CDYL: variants seen among roughly 807,000 people sequenced by gnomAD.
The protein encoded by CDYL is chromodomain Y-like protein.
CDYL carries 8 observed loss-of-function variants against 47.3 expected under a neutral mutation model. The ratio of observed to expected loss-of-function variants is 0.17; its 90% CI spans 0.10 to 0.31. The LOEUF is 0.31. Ranked by LOEUF, CDYL falls within the 10% of genes least tolerant of loss-of-function variation. The probability of loss-of-function intolerance (pLI) is 1.00; values close to 1 mark genes in which losing one functional copy is unlikely to be tolerated. For missense variants in CDYL, 471 were observed against 701.4 expected, an observed-to-expected ratio of 0.67 and a Z score of 3.71; for synonymous variants, 266 against 265.0, an observed-to-expected ratio of 1.00 and a Z score of -0.04.
chr6:4,788,737 A>G (rs1758832990), intron 1 of CDYL, among the ~76,000 whole-genome samples: 1 of 151,158 alleles, frequency 6.6e-6, no homozygotes, highest in South Asian at 2.1e-4. Flanking sequence ...CCCCACCACC[A>G]TTCGGCAGCA....
chr6:4,746,772 A>C (rs907265832), intron 3 of CDYL, among the ~76,000 whole-genome samples: 1 of 152,162 alleles, frequency 6.6e-6, no homozygotes, highest in South Asian at 2.1e-4. Flanking sequence ...GGTCGCTGGC[A>C]TAGACTAATG....
At chr6:4,838,954 C>T (rs917744272) in intron 1 of CDYL, among the ~76,000 whole-genome samples, 8 of 152,142 alleles carry the variant, frequency 5.3e-5, no homozygotes, top group Non-Finnish European at 5.9e-5. Flanking sequence ...GGATTACAGG[C>T]GTGAGCCACC....
At chr6:4,949,261 G>T (rs1758624203) in intron 5 of CDYL, among the ~76,000 whole-genome samples, 1 of 152,192 alleles carries the variant, frequency 6.6e-6, no homozygotes, top group Admixed American at 6.5e-5. Flanking sequence ...GGCCTGCTGG[G>T]GTGTGAAGCT....
At chr6:4,886,150 T>G (rs1761894716) in intron 1 of CDYL, among the ~76,000 whole-genome samples, 1 of 152,234 alleles carries the variant, frequency 6.6e-6, no homozygotes, top group African/African-American at 2.4e-5. Flanking sequence ...CATCAGTTAA[T>G]AGACATTCGG....
In CDYL at chr6:4,836,915, G is replaced by A. The variant is rs151099842; in HGVS notation, c.25-54798G>A. ...GATGGAACAAAATGGAATTATGTGA[G>A]TGCCCTGGAATGGAGTGATGGGTGT... On this transcript the variant is annotated intron_variant, in intron 1 of 6. Coordinates refer to ENST00000397588, the MANE Select transcript of CDYL (RefSeq NM_004824.4). Among the ~76,000 whole-genome samples the A allele has an allele frequency of 5.5e-3, 831 of 152,308 alleles. 4 individuals are homozygous for A. The highest frequency in any genetic ancestry group is 9.3e-3 in the Non-Finnish European group (630 of 68,032).
At chr6:4,950,798 G>A (rs1758676792) in intron 5 of CDYL, among the ~76,000 whole-genome samples, 1 of 152,116 alleles carries the variant, frequency 6.6e-6, no homozygotes, top group Non-Finnish European at 1.5e-5. Context: ...CGGGCGTGGT[G>A]GCGGGCGCCT....
At chr6:4,805,504 T>C (rs1759344762) in intron 1 of CDYL, among the ~76,000 whole-genome samples, 1 of 152,138 alleles carries the variant, frequency 6.6e-6, no homozygotes, top group South Asian at 2.1e-4. Context: ...AGATTTATTA[T>C]AGGGATTTGT....
intron 1 of CDYL, among the ~76,000 whole-genome samples, chr6:4,865,799 T>C (rs948320559): frequency 2.6e-5 from 4 of 152,228 alleles, no homozygotes; most frequent in Non-Finnish European, 5.9e-5. Context: ...AGTTTCAAAA[T>C]AGTTAAGGCA....
intron 2 of CDYL, chr6:4,724,720 G>A (rs1757465574): frequency 6.6e-6 from 1 of 152,248 alleles, no homozygotes; most frequent in Non-Finnish European, 1.5e-5. Flanking sequence ...TCCTCTCGTT[G>A]GGTTCGTGGT....
At chr6:4,846,504 A>T (rs1044002284) in intron 1 of CDYL, among the ~76,000 whole-genome samples, 3 of 152,172 alleles carry the variant, frequency 2.0e-5, no homozygotes, top group Non-Finnish European at 2.9e-5. Flanking sequence ...ATTGCTTCCC[A>T]TGTGATGCCA....
rs145425711 is a variant in CDYL, at chr6:4,815,060, C to G, written c.24+38253C>G. Reference sequence around the variant, plus strand: ...TTGCCTTCTCTTCAATCCCAAAGTCCGATTTTTAAAGCTGCCAGTAGGAAC... The same window carrying G: ...TTGCCTTCTCTTCAATCCCAAAGTCGGATTTTTAAAGCTGCCAGTAGGAAC... On this transcript the variant is annotated intron_variant, in intron 1 of 6. Coordinates refer to ENST00000397588, the MANE Select transcript of CDYL (RefSeq NM_004824.4). 9.0e-3 allele frequency among the ~76,000 whole-genome samples: 1,361 copies of G among 151,750 alleles called. 19 individuals carry two copies. Among genetic ancestry groups the G allele is most frequent in the South Asian group, 0.064 (305 of 4,770 alleles).
At chr6:4,808,762 G>T (rs1275835761) in intron 1 of CDYL, among the ~76,000 whole-genome samples, 1 of 152,114 alleles carries the variant, frequency 6.6e-6, no homozygotes, top group Non-Finnish European at 1.5e-5. Flanking sequence ...GGCTCTTTTT[G>T]TCTTTAGCTT....
intron 2 of CDYL, among the ~76,000 whole-genome samples, chr6:4,898,922 G>A (rs1294162117): frequency 6.6e-6 from 1 of 152,160 alleles, no homozygotes. Flanking sequence ...TTTTGAACAT[G>A]GATTCATTGC....
At chr6:4,817,383 G>A (rs1401303685) in intron 1 of CDYL, among the ~76,000 whole-genome samples, 2 of 151,298 alleles carry the variant, frequency 1.3e-5, no homozygotes, top group Non-Finnish European at 2.9e-5. Context: ...TGAAATTCCT[G>A]GATCAGAAGC....
At chr6:4,761,436 C>A (rs188998155) in intron 3 of CDYL, among the ~76,000 whole-genome samples, 1 of 152,146 alleles carries the variant, frequency 6.6e-6, no homozygotes, top group Admixed American at 6.5e-5. Flanking sequence ...CTCCACCTCC[C>A]GGGTTCAATC....
At chr6:4,766,264 C>T (rs561719436) in intron 3 of CDYL, among the ~76,000 whole-genome samples, 46 of 152,242 alleles carry the variant, frequency 3.0e-4, no homozygotes, top group African/African-American at 1.0e-3. Context: ...GGCTGGAGTG[C>T]AATGGCATGA....
intron 3 of CDYL, among the ~76,000 whole-genome samples, chr6:4,742,059 A>C (rs1757806420): frequency 6.6e-6 from 1 of 152,174 alleles, no homozygotes; most frequent in Admixed American, 6.6e-5. Flanking sequence ...AGAAAAACTC[A>C]CATTAGAAAA....
chr6:4,732,915 C>T (rs1004931666), intron 2 of CDYL, among the ~76,000 whole-genome samples: 5 of 152,116 alleles, frequency 3.3e-5, no homozygotes, highest in African/African-American at 9.7e-5. Context: ...TGCGGCGCTG[C>T]AGAGTGGGAG....
chr6:4,844,835 A>G (rs1760607147), intron 1 of CDYL, among the ~76,000 whole-genome samples: 1 of 152,208 alleles, frequency 6.6e-6, no homozygotes. Flanking sequence ...GTGAAGTATT[A>G]TAGCTCAAAT....
Sources: allele counts gnomAD v4.1 joint callset (sites outside exome capture counted in the v4.1 genomes callset), GRCh38; gene constraint gnomAD v4.1.1; transcripts MANE v1.5; gene names NCBI Gene and HGNC (gene_info 2026-07-23, HGNC 2026-07-21).